Variants in VSTM2A observed in about 807,000 individuals in gnomAD.
VSTM2A encodes the protein V-set and transmembrane domain containing 2A, also known as V-set and transmembrane domain-containing protein 2A.
A neutral mutation model predicts 27.3 loss-of-function variants in VSTM2A; 13 were observed. The observed-to-expected ratio is 0.48, with a 90% CI of 0.31 to 0.76. The LOEUF is 0.76. Ranked by LOEUF, VSTM2A falls within the 30% of genes least tolerant of loss-of-function variation. The pLI, the probability that VSTM2A is intolerant of heterozygous loss-of-function variation, is 0.05. For synonymous variants in VSTM2A, 142 were observed against 125.7 expected (o/e 1.13, Z -0.87); for missense variants, 280 against 310.0 (o/e 0.90, Z 0.73).
intron 4 of VSTM2A, among the ~76,000 whole-genome samples, chr7:54,556,781 T>C (rs1391351383): frequency 6.6e-6 from 1 of 152,210 alleles, no homozygotes; most frequent in Non-Finnish European, 1.5e-5. Context: ...GCAAACCATA[T>C]TTAATTTTAC....
intron 4 of VSTM2A, chr7:54,557,276 G>C (rs1001708780): frequency 6.6e-6 from 1 of 151,726 alleles, no homozygotes; most frequent in Non-Finnish European, 1.5e-5. Flanking sequence ...TCACATCTCA[G>C]CTCCATCACT....
At chr7:54,568,223 G>A (rs978525867) in intron 4 of VSTM2A, among the ~76,000 whole-genome samples, 1 of 152,110 alleles carries the variant, frequency 6.6e-6, no homozygotes, top group African/African-American at 2.4e-5. Context: ...TTTTATCATT[G>A]TCAGTGTGGA....
chr7:54,549,090 A>T (rs975645611), intron 3 of VSTM2A, among the ~76,000 whole-genome samples: 2 of 151,570 alleles, frequency 1.3e-5, no homozygotes, highest in Non-Finnish European at 2.9e-5. Flanking sequence ...TTAATCTGGA[A>T]TAAAACTTAT....
rs1295220916 is a variant in VSTM2A, at chr7:54,550,115, C to G, written c.579C>G (p.His193Gln). Residue 193 changes from histidine (H) to glutamine (Q), a missense_variant, in exon 4 of 5, where the codon CAC (histidine) becomes CAG (glutamine). Transcript: ENST00000402613. ...SIHGSANQRTHSTSSPQVVAK... is the reference protein window; with the variant it reads ...SIHGSANQRTQSTSSPQVVAK... ...ATGGCTCTGCCAACCAACGAACGCACTCCACCTCCAGCCCTCAAGTGGTAG... is the reference window on the plus strand; with the variant it reads ...ATGGCTCTGCCAACCAACGAACGCAGTCCACCTCCAGCCCTCAAGTGGTAG... 2 of 1,607,786 alleles carry G rather than the reference C, an allele frequency of 1.2e-6. No homozygotes were observed. The highest frequency in any genetic ancestry group is 1.7e-6 in the Non-Finnish European group (2 of 1,177,144).
At position 54,550,032 on chromosome 7, in the gene VSTM2A, T is replaced by A. The variant is rs1373951104; in HGVS notation, c.496T>A (p.Trp166Arg). ...RMQAFEASPM[W>R]LQDMKPRKNV... ...GCAGGCCTTCGAAGCCTCGCCCATG[T>A]GGCTGCAGGATATGAAGCCCCGCAA... The change falls in exon 4 of 5, where the codon TGG becomes AGG. Residue 166 changes from tryptophan (W) to arginine (R), a missense_variant. Physicochemically the swap from Trp to Arg is moderately radical, Grantham distance 101. Transcript: ENST00000402613. The A allele has an allele frequency of 6.2e-7, 1 of 1,611,172 alleles. No homozygotes were observed. The highest frequency in any genetic ancestry group is 2.2e-5 in the East Asian group (1 of 44,788).
chr7:54,558,584 A>C (rs1174124217), intron 4 of VSTM2A: 1 of 152,170 alleles, frequency 6.6e-6, no homozygotes, highest in African/African-American at 2.4e-5. Flanking sequence ...CAGATAGGAA[A>C]ATATGCTACA....
At chr7:54,550,356 G>C in intron 4 of VSTM2A, 186 bp downstream of exon 4, 1 of 1,440,476 alleles carries the variant, frequency 6.9e-7, no homozygotes, top group Non-Finnish European at 9.1e-7. Flanking sequence ...AAGCATGTGG[G>C]TGCACCCCGT....
At chr7:54,553,863 C>A in intron 4 of VSTM2A, 1 of 1,551,222 alleles carries the variant, frequency 6.4e-7, no homozygotes. Flanking sequence ...CCTGTCTCAT[C>A]CAGTGTCTCC....
At chr7:54,544,566 G>C in intron 1 of VSTM2A, 56 bp from the exon 2 acceptor site, 1 of 1,607,380 alleles carries the variant, frequency 6.2e-7, no homozygotes, top group Non-Finnish European at 8.5e-7. Flanking sequence ...CTCAAGGAAA[G>C]AGACTCAGGC....
At chr7:54,554,623 A>G (rs1025860758) in intron 4 of VSTM2A, among the ~76,000 whole-genome samples, 1 of 152,174 alleles carries the variant, frequency 6.6e-6, no homozygotes, top group African/African-American at 2.4e-5. Context: ...AGCTGTGCCA[A>G]TTCTAGACCT....
At position 54,550,153 on chromosome 7, in the gene VSTM2A, A is replaced by G. The variant is rs767673518; in HGVS notation, c.617A>G (p.Lys206Arg). ...SSPQVVAKIP[K>R]QSPQSAKSKS... The stretch of plus-strand genomic sequence containing the variant: ...CCTCAAGTGGTAGCCAAAATCCCCA[A>G]ACAAAGTCCACAATCAGGTATGGAA... The change falls in exon 4 of 5, where the codon AAA (lysine) becomes AGA (arginine). Residue 206 changes from lysine to arginine, a missense_variant. Lys to Arg is a conservative substitution (Grantham distance 26). Transcript: ENST00000402613. 1.1e-5 allele frequency: 17 copies of G among 1,599,944 alleles called. No homozygotes were observed. Among genetic ancestry groups the G allele is most frequent in the Non-Finnish European group, 1.4e-5 (17 of 1,173,480 alleles).
intron 4 of VSTM2A, 89 bp downstream of exon 4, chr7:54,550,259 T>C (rs1375562807): frequency 1.3e-6 from 2 of 1,526,836 alleles, no homozygotes; most frequent in African/African-American, 2.8e-5. Context: ...GATTTATGAA[T>C]GGTGATTTTT....
chr7:54,550,067 C>T lies in VSTM2A; in HGVS notation c.531C>T (p.Ser177=), dbSNP rs138245427. The part of the protein sequence containing the change: ...LQDMKPRKNV[S]AAIPSSIHGS... ...ATATGAAGCCCCGCAAGAACGTCTC[C>T]GCAGCCATCCCCAGCAGCATCCATG... Residue 177 remains serine (S), a synonymous_variant, in exon 4 of 5, where the codon TCC becomes TCT. Transcript: ENST00000402613. 4.0e-5 allele frequency: 64 copies of T among 1,608,872 alleles called. No individual in the cohort carries two copies. The highest frequency in any genetic ancestry group is 3.2e-4 in the African/African-American group (24 of 74,878).
At chr7:54,544,935 G>C in intron 2 of VSTM2A, 147 bp downstream of exon 2, 2 of 999,314 alleles carry the variant, frequency 2.0e-6, no homozygotes, top group Non-Finnish European at 2.8e-6. Context: ...GGGCTTCTAG[G>C]GAGGGAAAGG....
intron 4 of VSTM2A, among the ~76,000 whole-genome samples, chr7:54,553,382 G>A (rs928235131): frequency 7.9e-5 from 12 of 152,154 alleles, no homozygotes; most frequent in African/African-American, 2.2e-4. Flanking sequence ...GAAGTTTGCC[G>A]TCTTCAATTG....
intron 4 of VSTM2A, among the ~76,000 whole-genome samples, chr7:54,561,544 G>A (rs1402900304): frequency 6.6e-6 from 1 of 152,126 alleles, no homozygotes; most frequent in East Asian, 1.9e-4. Context: ...ACAAATTCCA[G>A]GCAATGGCTT....
rs1788871829 is a variant in VSTM2A at position 54,570,823 on chromosome 7, C to A, written c.*1604C>A. 6.6e-6 allele frequency: 1 copy of A among 152,130 alleles called. No homozygotes were observed. 9.4% of individuals were successfully genotyped at this position (152,130 alleles called of 1,614,324 possible). A position where few individuals can be genotyped will look rare whatever the true frequency, so the allele number is the denominator to read the frequency against. ...AAACCAGAAGATCAGCTATGTGGGG[C>A]CATCAGCTCCCAGCCTAAGGTCCTA... On this transcript the variant is annotated 3_prime_UTR_variant, in exon 5 of 5. Transcript: ENST00000402613.
chr7:54,546,989 A>G lies in VSTM2A; in HGVS notation c.289A>G (p.Lys97Glu), dbSNP rs1788019937. Residue 97 changes from lysine to glutamate, a missense_variant, in exon 3 of 5, where the codon AAG becomes GAG. Lys to Glu is a moderately conservative substitution (Grantham distance 56). Coordinates refer to ENST00000402613, the MANE Select transcript of VSTM2A (RefSeq NM_001301009.2). ...PDRDPDSDGTKISTVKVQGND... is the reference protein window; with the variant it reads ...PDRDPDSDGTEISTVKVQGND... The stretch of plus-strand genomic sequence containing the variant: ...CAGAGACCCGGACAGCGACGGGACC[A>G]AGATCAGCGTGAGTGCGGGGCGCGC... The G allele has an allele frequency of 6.3e-7, 1 of 1,579,622 alleles. No homozygotes were observed. The highest frequency in any genetic ancestry group is 2.4e-5 in the East Asian group (1 of 42,020).
intron 4 of VSTM2A, among the ~76,000 whole-genome samples, chr7:54,563,075 G>A (rs1197461205): frequency 6.6e-6 from 1 of 152,066 alleles, no homozygotes; most frequent in Admixed American, 6.6e-5. Context: ...TCTTGGAAAG[G>A]TTTCTGTTTG....
Sources: allele counts gnomAD v4.1 joint callset (sites outside exome capture counted in the v4.1 genomes callset), GRCh38; gene constraint gnomAD v4.1.1; transcripts MANE v1.5; gene names NCBI Gene and HGNC (gene_info 2026-07-23, HGNC 2026-07-21).